TDP1: variants seen among roughly 807,000 people sequenced by gnomAD.
The protein encoded by TDP1 is tyrosyl-DNA phosphodiesterase 1.
TDP1 carries 64 observed loss-of-function variants against 81.5 expected under a neutral mutation model. The ratio of observed to expected loss-of-function variants is 0.79; its 90% CI spans 0.64 to 0.97. The LOEUF (loss-of-function observed/expected upper bound fraction) is 0.97. Among genes scored for constraint, TDP1 ranks in the 50% least tolerant of loss-of-function variants. TDP1 has a pLI of 0.00. For synonymous variants in TDP1, 256 were observed against 264.3 expected, an observed-to-expected ratio of 0.97 and a Z score of 0.30; for missense variants, 723 against 743.8, an observed-to-expected ratio of 0.97 and a Z score of 0.33.
In TDP1 at chr14:90,042,987, C is replaced by T. The variant is rs1003014356; in HGVS notation, c.1754-83C>T. 1.8e-5 allele frequency: 29 copies of T among 1,608,748 alleles called. No individual in the cohort carries two copies. In the East Asian group the frequency reaches 5.1e-4, roughly 28 times the overall value. ...CTACCACAGTTTAGAGAGTCAAGCA[C>T]ATAAGTGTTTTTATGCCATCAGGTG... On this transcript the variant is annotated intron_variant, in intron 16 of 16. Transcript: ENST00000335725.
Position 89,963,595 on chromosome 14 carries a change from G to A in TDP1, c.481G>A (p.Gly161Arg). 1.9e-6 allele frequency: 3 copies of A among 1,614,146 alleles called. No homozygotes were observed. Among genetic ancestry groups the A allele is most frequent in the Non-Finnish European group, 2.5e-6 (3 of 1,179,994 alleles). Residue 161 changes from glycine to arginine, a missense_variant, in exon 3 of 17, where the codon GGG (glycine) becomes AGG (arginine). Coordinates refer to ENST00000335725, the MANE Select transcript of TDP1 (RefSeq NM_018319.4). ...GGACATTTGGGACATGCTGGATAAA[G>A]GGAACCCCTTCCAGTTTTACCTCAC... is the stretch of plus-strand genomic sequence containing the variant. ...GQDIWDMLDK[G>R]NPFQFYLTRV...
rs1393433648 is a variant in TDP1, at chr14:89,988,922, C to G, written c.1149C>G (p.Ala383=). The change falls in exon 11 of 17, where the codon GCC becomes GCG. Residue 383 remains alanine, a synonymous_variant. Transcript: ENST00000335725. The stretch of plus-strand genomic sequence containing the variant: ...TTTCCCAGCTTCTGAAAGACCATGC[C>G]TCATCCATGCCTAACGCAGAGTCCT... ...FRLKKLLKDH[A]SSMPNAESWP... is the part of the protein sequence containing the mutation. 1.2e-6 allele frequency: 2 copies of G among 1,614,016 alleles called. No individual in the cohort carries two copies. Among genetic ancestry groups the G allele is most frequent in the East Asian group, 4.5e-5 (2 of 44,896 alleles).
chr14:89,992,800 A>G (rs569790027), intron 13 of TDP1, among the ~76,000 whole-genome samples: 1 of 152,354 alleles, frequency 6.6e-6, no homozygotes, highest in East Asian at 1.9e-4. Context: ...ATTCATAAGT[A>G]AAGATTGTTG....
At chr14:89,977,918 G>A (rs1417970803) in intron 7 of TDP1, among the ~76,000 whole-genome samples, 1 of 152,214 alleles carries the variant, frequency 6.6e-6, no homozygotes, top group Non-Finnish European at 1.5e-5. Context: ...GAATGGGAAA[G>A]CTCTTTGGTT....
chr14:89,975,136 C>T lies in TDP1; in HGVS notation c.757-645C>T, dbSNP rs563302413. Among the ~76,000 whole-genome samples the T allele has an allele frequency of 1.7e-4, 26 of 152,240 alleles. No homozygotes were observed. In the South Asian group the frequency reaches 4.1e-3, roughly 24 times the overall value. On this transcript the variant is annotated intron_variant, in intron 6 of 16. Transcript: ENST00000335725. The stretch of plus-strand genomic sequence containing the variant: ...TGTCACCCAGGCTGGAGTGCAGTGG[C>T]GCTATCTCAGCTCACTGCAAGCTCT...
At chr14:89,971,091 C>T (rs1893579922) in intron 5 of TDP1, 84 bp from the exon 6 acceptor site, 2 of 1,234,312 alleles carry the variant, frequency 1.6e-6, no homozygotes, top group East Asian at 2.4e-5. Context: ...CTGCCTCGGC[C>T]TCCCAAGGTG....
At position 89,971,302 on chromosome 14, in the gene TDP1, C is replaced by G. The variant is rs201781528; in HGVS notation, c.756+31C>G. 9 of 1,540,676 alleles carry G rather than the reference C, an allele frequency of 5.8e-6. No homozygotes were observed. The African/African-American group carries it at 9.5e-5, about 16-fold the overall frequency. ...CCACTTACTGCCGTTGGAGAGCACGCGTAGTCTGAGTTAGAAGGAAACTTA... is the reference window on the plus strand; with the variant it reads ...CCACTTACTGCCGTTGGAGAGCACGGGTAGTCTGAGTTAGAAGGAAACTTA... On this transcript the variant is annotated intron_variant, in intron 6 of 16. Transcript: ENST00000335725.
At position 90,013,524 on chromosome 14, in the gene TDP1, C is replaced by T. The variant is rs144239911; in HGVS notation, c.1542-5792C>T. Among the ~76,000 whole-genome samples, 458 of 152,308 alleles carry T rather than the reference C, an allele frequency of 3.0e-3. 1 individual carries two copies. The highest frequency in any genetic ancestry group is 5.0e-3 in the Non-Finnish European group (341 of 68,024). The stretch of plus-strand genomic sequence containing the variant: ...CTCCTCCTTTGCCTTCTGCTATGAT[C>T]GTGAGGCCTCCCCCGCCATGTGCAA... On this transcript the variant is annotated intron_variant, in intron 14 of 16. Transcript: ENST00000335725.
intron 2 of TDP1, among the ~76,000 whole-genome samples, chr14:89,960,229 G>A (rs1360736112): frequency 2.0e-5 from 3 of 152,018 alleles, no homozygotes; most frequent in Non-Finnish European, 2.9e-5. Context: ...CCCCTATCCA[G>A]CAACTTCTAG....
chr14:89,969,344 A>T (rs530671426), intron 5 of TDP1, among the ~76,000 whole-genome samples: 112 of 152,352 alleles, frequency 7.4e-4, no homozygotes, highest in Non-Finnish European at 1.4e-3. Context: ...TAGAAGGATG[A>T]GGAGTGACCT....
chr14:89,976,554 T>TG (rs1894356230), intron 7 of TDP1, among the ~76,000 whole-genome samples: 1 of 141,746 alleles, frequency 7.1e-6, no homozygotes, highest in African/African-American at 2.7e-5. Context: ...TTTTTTTTTT[T>TG]TAGACAGAGT....
chr14:90,027,413 C>T (rs568616658), intron 15 of TDP1, among the ~76,000 whole-genome samples: 150 of 152,166 alleles, frequency 9.9e-4, no homozygotes, highest in African/African-American at 3.5e-3. Flanking sequence ...GATGTCCGGA[C>T]TCCTTTGTGT....
intron 15 of TDP1, among the ~76,000 whole-genome samples, chr14:90,029,194 A>ATTTTTT (rs539198642): frequency 3.8e-4 from 44 of 116,206 alleles, no homozygotes; most frequent in African/African-American, 1.3e-3. Flanking sequence ...CCCTGCCATT[A>ATTTTTT]TTTTTTTTTT....
intron 6 of TDP1, among the ~76,000 whole-genome samples, chr14:89,974,417 AAT>A (rs1894027255): frequency 6.6e-6 from 1 of 152,190 alleles, no homozygotes; most frequent in Non-Finnish European, 1.5e-5. Context: ...GAAAACATGA[AAT>A]AGAGTTCCCT....
In TDP1 at chr14:90,019,369, T is replaced by A. The variant is rs1885700272; in HGVS notation, c.1595T>A (p.Leu532Gln). Residue 532 changes from leucine to glutamine, a missense_variant, in exon 15 of 17, where the codon CTG (leucine) becomes CAG (glutamine). By Grantham distance (113) the Leu-to-Gln change is moderately radical. Transcript: ENST00000335725. ...GCATTGGAGAAGAATGGCACCCAGC[T>A]GATGATCCGCTCCTACGAGCTCGGG... Reference protein sequence around the residue: ...WGALEKNGTQLMIRSYELGVL... With the variant: ...WGALEKNGTQQMIRSYELGVL... The A allele has an allele frequency of 6.2e-7, 1 of 1,613,402 alleles. No homozygotes were observed. The highest frequency in any genetic ancestry group is 8.5e-7 in the Non-Finnish European group (1 of 1,179,346).
rs531403244 is a variant in TDP1 at position 90,023,727 on chromosome 14, T to C, written c.1644+4309T>C. Among the ~76,000 whole-genome samples the C allele has an allele frequency of 4.6e-5, 7 of 152,256 alleles. 1 individual carries two copies. The highest frequency in any genetic ancestry group is 3.9e-4 in the Admixed American group (6 of 15,300). On this transcript the variant is annotated intron_variant, in intron 15 of 16. Coordinates refer to ENST00000335725, the MANE Select transcript of TDP1 (RefSeq NM_018319.4). ...TTTCCTTTGAGACAGGCTCTTGCTCTGCCGCCCAGGCTGGAGTACAGAGCT... is the reference window on the plus strand; with the variant it reads ...TTTCCTTTGAGACAGGCTCTTGCTCCGCCGCCCAGGCTGGAGTACAGAGCT...
intron 9 of TDP1, 66 bp from the exon 10 acceptor site, chr14:89,985,066 G>C (rs1895401822): frequency 7.1e-7 from 1 of 1,404,584 alleles, no homozygotes; most frequent in Admixed American, 1.9e-5. Context: ...TGTGTATTTT[G>C]TCATTTTTTT....
intron 5 of TDP1, chr14:89,970,718 T>C: frequency 7.8e-6 from 4 of 512,802 alleles, no homozygotes; most frequent in South Asian, 8.4e-5. Flanking sequence ...TTCACTGCTC[T>C]GTGTTAGCCC....
intron 3 of TDP1, 76 bp downstream of exon 3, chr14:89,963,749 C>G (rs1374301662): frequency 6.5e-7 from 1 of 1,526,978 alleles, no homozygotes; most frequent in Non-Finnish European, 9.0e-7. Context: ...AGGAGGGCAG[C>G]CTAGAATAGT....
Sources: gnomAD v4.1 joint callset for allele counts (sites outside exome capture counted in the v4.1 genomes callset) on GRCh38, gnomAD v4.1.1 for gene constraint, MANE v1.5 for transcripts, NCBI Gene and HGNC (gene_info 2026-07-23, HGNC 2026-07-21) for gene names.